Variants in ZNF592 observed in about 807,000 individuals in gnomAD.
ZNF592 encodes the protein zinc finger protein 592.
Under a neutral mutation model 80.3 loss-of-function variants are expected in ZNF592, and 11 were observed. That is an observed-to-expected ratio of 0.14 (90% CI 0.09 to 0.23). The LOEUF (loss-of-function observed/expected upper bound fraction) is 0.23, where lower values mean the gene tolerates loss of function less well. ZNF592 is among the 10% of genes least tolerant of loss of function. The pLI is 1.00. For synonymous variants in ZNF592, 646 were observed against 640.3 expected (o/e 1.01, Z -0.13); for missense variants, 1,420 against 1,633.9 (o/e 0.87, Z 2.26).
rs75380520 is a variant in ZNF592 at position 84,778,564 on chromosome 15, C to T, written c.-20+252C>T. Among the ~76,000 whole-genome samples the T allele has an allele frequency of 2.9e-3, 447 of 152,222 alleles. 5 individuals carry two copies. The highest frequency in any genetic ancestry group is 0.024 in the East Asian group (124 of 5,166). ...CTCCATGTTTGGGTGGACCCAGTTT[C>T]TAATGGCCGACTTGCATATCAAAGG... On this transcript the variant is annotated intron_variant, in intron 3 of 10. Transcript: ENST00000560079.
Position 84,798,722 on chromosome 15 carries a change from C to T in ZNF592, c.2871C>T (p.Ser957=), listed in dbSNP as rs1963003345. 1 of 1,612,422 alleles carries T rather than the reference C, an allele frequency of 6.2e-7. No homozygotes were observed. Among genetic ancestry groups the T allele is most frequent in the South Asian group, 1.1e-5 (1 of 91,082 alleles). Residue 957 remains serine (S), a synonymous_variant, in exon 8 of 11, where the codon TCC becomes TCT. Transcript: ENST00000560079. This position sits in a 1 kb window ranked among gnomAD's most constrained non-coding sequence, Gnocchi z 4.5. ...CTAGTGTGGCTGCTCGGAGCAGCTC[C>T]CTGCCTTCTGGCCGCTGGGGTAGGC... The part of the protein sequence containing the change: ...PATSVAARSS[S]LPSGRWGRPE...
In ZNF592 at chr15:84,784,752, C is replaced by A. The variant is rs1962541361; in HGVS notation, c.2077C>A (p.Pro693Thr). The A allele has an allele frequency of 6.2e-7, 1 of 1,614,004 alleles. No individual in the cohort carries two copies. Among genetic ancestry groups the A allele is most frequent in the Non-Finnish European group, 8.5e-7 (1 of 1,180,036 alleles). Residue 693 changes from proline to threonine, a missense_variant, in exon 4 of 11, where the codon CCT (proline) becomes ACT (threonine). Around this residue, in one of 7 missense-constraint regions of ZNF592, gnomAD observed 524 missense variants for 628.3 expected, o/e 0.83. Coordinates refer to ENST00000560079, the MANE Select transcript of ZNF592 (RefSeq NM_014630.3). This position sits in a 1 kb window ranked among gnomAD's most constrained non-coding sequence, Gnocchi z 5.8. Reference sequence around the variant, plus strand: ...CCTCACTTCGGGCAGTGCCAGTCCCCCTCCTCCAGCCTTGCCACTCTACCC... The same window carrying A: ...CCTCACTTCGGGCAGTGCCAGTCCCACTCCTCCAGCCTTGCCACTCTACCC... ...HGLTSGSASP[P>T]PPALPLYPDP...
At chr15:84,782,624 G>A (rs1350349433) in intron 3 of ZNF592, 33 bp from the exon 4 acceptor site, 2 of 1,602,110 alleles carry the variant, frequency 1.2e-6, no homozygotes, top group East Asian at 4.5e-5. Flanking sequence ...GGACCCTGGT[G>A]GTCACTGATT....
At chr15:84,768,261 T>C (rs2141971539) in intron 2 of ZNF592, among the ~76,000 whole-genome samples, 1 of 147,060 alleles carries the variant, frequency 6.8e-6, no homozygotes, top group East Asian at 2.0e-4. Context: ...GAGACAGTTG[T>C]GCTCTGTCGC....
intron 1 of ZNF592, among the ~76,000 whole-genome samples, chr15:84,759,106 A>G (rs1899268867): frequency 6.6e-6 from 1 of 152,158 alleles, no homozygotes; most frequent in South Asian, 2.1e-4. Context: ...TCTAATTAAG[A>G]ACAGTATTCC....
rs888175290 is a variant in ZNF592 at position 84,801,750 on chromosome 15, G to T, written c.3274-113G>T. On this transcript the variant is annotated intron_variant, in intron 10 of 10. Coordinates refer to ENST00000560079, the MANE Select transcript of ZNF592 (RefSeq NM_014630.3). Reference sequence around the variant, plus strand: ...AAACGTAAACCAGCGTTCAGGGCTGGGGTGACCCTGGCCTGGGTGGTGCTT... The same window carrying T: ...AAACGTAAACCAGCGTTCAGGGCTGTGGTGACCCTGGCCTGGGTGGTGCTT... 2.3e-5 allele frequency: 35 copies of T among 1,500,136 alleles called. No individual in the cohort carries two copies. In the Admixed American group the frequency reaches 5.8e-4, roughly 25 times the overall value. The allele number at this position is 1,500,136 out of a possible 1,614,324, so 92.9% of individuals were successfully genotyped here. A position where few individuals can be genotyped will look rare whatever the true frequency, so the allele number is the denominator to read the frequency against.
At chr15:84,759,964 C>G (rs978745409) in intron 1 of ZNF592, among the ~76,000 whole-genome samples, 2 of 42,782 alleles carry the variant, frequency 4.7e-5, no homozygotes, top group Non-Finnish European at 1.0e-4. Flanking sequence ...TCCCCCCCCC[C>G]CCACCCTGCC....
chr15:84,775,643 G>T (rs1962226743), intron 2 of ZNF592, among the ~76,000 whole-genome samples: 1 of 151,946 alleles, frequency 6.6e-6, no homozygotes, highest in African/African-American at 2.4e-5. Context: ...ATATTGGCCA[G>T]TCTGGTCTCA....
chr15:84,806,326 C>T lies in ZNF592; in HGVS notation c.*3933C>T, dbSNP rs549821889. 2 of 152,314 alleles carry T rather than the reference C, an allele frequency of 1.3e-5. No homozygotes were observed. Among genetic ancestry groups the T allele is most frequent in the East Asian group, 3.9e-4 (2 of 5,184 alleles). 9.4% of individuals were successfully genotyped at this position (152,314 alleles called of 1,614,324 possible). ...GGAGGAAAAAGTTGAGACTAGGACG[C>T]AGGTCCCAAGTATGGGATTTTTTTG... is the stretch of plus-strand genomic sequence containing the variant. On this transcript the variant is annotated 3_prime_UTR_variant, in exon 11 of 11. Coordinates refer to ENST00000560079, the MANE Select transcript of ZNF592 (RefSeq NM_014630.3).
chr15:84,785,591 C>T (rs1406882613), intron 4 of ZNF592, among the ~76,000 whole-genome samples: 5 of 152,178 alleles, frequency 3.3e-5, no homozygotes, highest in Non-Finnish European at 5.9e-5. Flanking sequence ...GGATTACAGG[C>T]GTGAGCCACT....
At chr15:84,795,237 A>G (rs930434599) in intron 5 of ZNF592, among the ~76,000 whole-genome samples, 3 of 152,092 alleles carry the variant, frequency 2.0e-5, no homozygotes, top group African/African-American at 7.2e-5. Flanking sequence ...TTATTTTCTT[A>G]TTTGTGATTA....
intron 1 of ZNF592, among the ~76,000 whole-genome samples, chr15:84,763,257 C>T (rs920229392): frequency 2.0e-5 from 3 of 152,074 alleles, no homozygotes; most frequent in African/African-American, 4.8e-5. Flanking sequence ...TCCAAGCATG[C>T]GTGTGTGATT....
At chr15:84,796,258 ATATATATTTT>A (rs1567076254) in intron 5 of ZNF592, among the ~76,000 whole-genome samples, 6 of 26,422 alleles carry the variant, frequency 2.3e-4, no homozygotes, top group African/African-American at 7.5e-4. Context: ...ATATATATAT[ATATATATTTT>A]ATATATATAT....
chr15:84,761,831 A>G (rs1899359796), intron 1 of ZNF592, among the ~76,000 whole-genome samples: 1 of 152,160 alleles, frequency 6.6e-6, no homozygotes, highest in African/African-American at 2.4e-5. Context: ...TCACCTTTCA[A>G]GTTCATTTTC....
At position 84,805,949 on chromosome 15, in the gene ZNF592, T is replaced by C. The variant is rs1197821777; in HGVS notation, c.*3556T>C. The stretch of plus-strand genomic sequence containing the variant: ...AAATATGTATATTTATATATCTATT[T>C]TTAATACAAATAGTAGAATTCTATA... On this transcript the variant is annotated 3_prime_UTR_variant, in exon 11 of 11. Coordinates refer to ENST00000560079, the MANE Select transcript of ZNF592 (RefSeq NM_014630.3). 1 of 152,636 alleles carries C rather than the reference T, an allele frequency of 6.6e-6. No individual in the cohort carries two copies. The highest frequency in any genetic ancestry group is 2.4e-5 in the African/African-American group (1 of 41,444). 9.5% of individuals were successfully genotyped at this position (152,636 alleles called of 1,614,324 possible).
chr15:84,765,047 ACT>A (rs1899466792), intron 2 of ZNF592, among the ~76,000 whole-genome samples: 2 of 151,428 alleles, frequency 1.3e-5, no homozygotes, highest in Non-Finnish European at 2.9e-5. Context: ...TCATACTAAA[ACT>A]CTGTACCTAT....
At chr15:84,756,986 G>A (rs1480575478) in intron 1 of ZNF592, among the ~76,000 whole-genome samples, 7 of 152,100 alleles carry the variant, frequency 4.6e-5, no homozygotes, top group East Asian at 3.9e-4. Flanking sequence ...GGTGGTGCGC[G>A]CCTGTAGTCC....
Position 84,775,625 on chromosome 15 carries a change from G to T in ZNF592, c.-149-2558G>T, listed in dbSNP as rs144163342. Among the ~76,000 whole-genome samples, 91 of 151,746 alleles carry T rather than the reference G, an allele frequency of 6.0e-4. 1 individual carries two copies. In the East Asian group the frequency reaches 0.017, roughly 29 times the overall value. On this transcript the variant is annotated intron_variant, in intron 2 of 10. Transcript: ENST00000560079. ...TTTTTGTATTTTTAGTAGAGATGAG[G>T]TTTTGCTATATTGGCCAGTCTGGTC...
At chr15:84,787,222 T>G (rs1397636127) in intron 4 of ZNF592, among the ~76,000 whole-genome samples, 1 of 152,074 alleles carries the variant, frequency 6.6e-6, no homozygotes, top group African/African-American at 2.4e-5. Flanking sequence ...ATGGCACCTT[T>G]CTCATCTTAC....
Sources: allele counts gnomAD v4.1 joint callset (sites outside exome capture counted in the v4.1 genomes callset), GRCh38; gene constraint gnomAD v4.1.1; regional missense constraint gnomAD v4.1.1; non-coding constraint Gnocchi (gnomAD v3.1); transcripts MANE v1.5; gene names NCBI Gene and HGNC (gene_info 2026-07-23, HGNC 2026-07-21).